Variants in ANKRD30A observed in about 807,000 individuals in gnomAD.
The protein encoded by ANKRD30A is ankyrin repeat domain-containing protein 30A.
In ANKRD30A, 170 loss-of-function variants were observed where a neutral mutation model predicts 166.3. The observed-to-expected ratio is 1.02, with a 90% confidence interval of 0.90 to 1.16. ANKRD30A has a LOEUF of 1.16. ANKRD30A is among the 50% of genes most tolerant of loss of function. The pLI, the probability that ANKRD30A is intolerant of heterozygous loss-of-function variation, is 0.00. For synonymous variants in ANKRD30A, 564 were observed against 508.9 expected (o/e 1.11, Z -1.46); for missense variants, 1,630 against 1,518.0 (o/e 1.07, Z -1.23).
intron 6 of ANKRD30A, among the ~76,000 whole-genome samples, chr10:37,138,124 G>T (rs1199876196): frequency 6.6e-6 from 1 of 152,144 alleles, no homozygotes; most frequent in Non-Finnish European, 1.5e-5. Context: ...ACAGGGTCTG[G>T]AGTGGACCTC....
chr10:37,162,298 G>A (rs909317224), intron 15 of ANKRD30A, among the ~76,000 whole-genome samples: 4 of 152,080 alleles, frequency 2.6e-5, no homozygotes, highest in African/African-American at 9.7e-5. Context: ...TTAAAGAACA[G>A]GATGAATGGA....
downstream of ANKRD30A, among the ~76,000 whole-genome samples, chr10:37,235,979 A>G (rs1843657769): frequency 6.6e-6 from 1 of 152,188 alleles, no homozygotes; most frequent in African/African-American, 2.4e-5. Context: ...TGTGTTAGCC[A>G]GGATGGTCTC....
chr10:37,160,071 A>C (rs1323728074), intron 15 of ANKRD30A, among the ~76,000 whole-genome samples: 1 of 152,138 alleles, frequency 6.6e-6, no homozygotes, highest in African/African-American at 2.4e-5. Context: ...TGCTTATCGA[A>C]TATTTTAGAT....
chr10:37,157,716 G>A (rs1199899609), intron 13 of ANKRD30A, among the ~76,000 whole-genome samples: 2 of 152,130 alleles, frequency 1.3e-5, no homozygotes, highest in Non-Finnish European at 2.9e-5. Context: ...TTTTGTATAA[G>A]TGGATCAGGA....
At chr10:37,247,667 C>T in the ANKRD30A span, among the ~76,000 whole-genome samples, 390 of 149,154 alleles carry the variant, frequency 2.6e-3, no homozygotes, top group Non-Finnish European at 3.7e-3. Context: ...GTCAGGGGAT[C>T]GAGACCATCC....
chr10:37,133,107 C>T (rs1196042529), intron 4 of ANKRD30A, among the ~76,000 whole-genome samples: 5 of 152,058 alleles, frequency 3.3e-5, no homozygotes, highest in Non-Finnish European at 5.9e-5. Flanking sequence ...TTTAGGTTAT[C>T]CCTACGTGAC....
the ANKRD30A span, among the ~76,000 whole-genome samples, chr10:37,251,258 T>A: frequency 6.6e-6 from 1 of 152,288 alleles, no homozygotes; most frequent in Non-Finnish European, 1.5e-5. Flanking sequence ...TGACAACTGA[T>A]TGGAGTACTT....
intron 6 of ANKRD30A, among the ~76,000 whole-genome samples, chr10:37,138,477 G>C (rs892460742): frequency 6.6e-6 from 1 of 151,854 alleles, no homozygotes; most frequent in Non-Finnish European, 1.5e-5. Flanking sequence ...TAAAAACCTT[G>C]AAAAAAAATT....
chr10:37,150,961 C>G (rs938095592), intron 11 of ANKRD30A, among the ~76,000 whole-genome samples: 1 of 150,792 alleles, frequency 6.6e-6, no homozygotes, highest in Non-Finnish European at 1.5e-5. Context: ...ATCTCTGAAA[C>G]GATCCAGGGT....
downstream of ANKRD30A, among the ~76,000 whole-genome samples, chr10:37,234,959 G>A (rs1418543800): frequency 6.6e-6 from 1 of 152,146 alleles, no homozygotes; most frequent in African/African-American, 2.4e-5. Flanking sequence ...TTTCCACAGT[G>A]TTGAGTTGCA....
intron 11 of ANKRD30A, among the ~76,000 whole-genome samples, chr10:37,151,305 T>C (rs1311315009): frequency 1.3e-5 from 2 of 152,084 alleles, no homozygotes; most frequent in African/African-American, 4.8e-5. Flanking sequence ...AAGTCTTGAG[T>C]GGGCCTTGAT....
At position 37,126,001 on chromosome 10, in the gene ANKRD30A, C is replaced by T. The variant is rs199779324; in HGVS notation, c.214C>T (p.Gln72Ter). 1.4e-3 allele frequency: 2,248 copies of T among 1,611,662 alleles called. 6 individuals are homozygous for T. Among genetic ancestry groups the T allele is most frequent in the Non-Finnish European group, 1.7e-3 (2,032 of 1,179,796 alleles). ...CATCAACCTTAATATACAAGACGCCCAGAAGAGGTACCAGGCCCTGCCTGA... is the reference window on the plus strand; with the variant it reads ...CATCAACCTTAATATACAAGACGCCTAGAAGAGGTACCAGGCCCTGCCTGA... The part of the protein sequence containing the change: ...KTINLNIQDA[Q>*]KRTALHWACV... The change falls in exon 1 of 36, where the codon CAG (glutamine) becomes TAG (stop). Residue 72 changes from glutamine to a stop codon, truncating the protein, a stop_gained. Coordinates refer to ENST00000361713, the MANE Select transcript of ANKRD30A (RefSeq NM_052997.3). LOFTEE classifies it high-confidence loss of function.
At chr10:37,162,201 A>G (rs543845889) in intron 15 of ANKRD30A, among the ~76,000 whole-genome samples, 20 of 152,162 alleles carry the variant, frequency 1.3e-4, no homozygotes, top group Admixed American at 6.5e-4. Context: ...AAGCTGAACA[A>G]TTCATAACAT....
chr10:37,190,843 T>C (rs576277254), intron 25 of ANKRD30A, among the ~76,000 whole-genome samples: 9 of 151,496 alleles, frequency 5.9e-5, no homozygotes, highest in East Asian at 1.9e-4. Flanking sequence ...TAGATGTATG[T>C]ATGTATGTAT....
chr10:37,241,149 A>G, the ANKRD30A span: 2 of 152,030 alleles, frequency 1.3e-5, no homozygotes, highest in Admixed American at 6.6e-5. Context: ...TAGGTAAAGA[A>G]CATAAATATT....
At chr10:37,261,689 G>C in the ANKRD30A span, among the ~76,000 whole-genome samples, 3 of 152,140 alleles carry the variant, frequency 2.0e-5, 1 homozygote, top group African/African-American at 7.2e-5. Context: ...CAGACTATAA[G>C]ATGCAAAACT....
At chr10:37,152,867 A>G (rs1237612875) in intron 12 of ANKRD30A, among the ~76,000 whole-genome samples, 1 of 152,086 alleles carries the variant, frequency 6.6e-6, no homozygotes, top group Non-Finnish European at 1.5e-5. Flanking sequence ...GTAACAGCAA[A>G]AGGTGGAAGT....
At chr10:37,132,119 G>C (rs767587414) in intron 3 of ANKRD30A, 121 bp from the exon 4 acceptor site, 4 of 581,684 alleles carry the variant, frequency 6.9e-6, no homozygotes, top group Non-Finnish European at 1.1e-5. Context: ...AGAAAGAAGG[G>C]ACTGCTATTG....
At chr10:37,231,187 T>G (rs1346361673) in intron 34 of ANKRD30A, among the ~76,000 whole-genome samples, 1 of 152,042 alleles carries the variant, frequency 6.6e-6, no homozygotes, top group Non-Finnish European at 1.5e-5. Flanking sequence ...ACATGATGTT[T>G]TGATATATTT....
Sources: gnomAD v4.1 joint callset for allele counts (sites outside exome capture counted in the v4.1 genomes callset) on GRCh38, gnomAD v4.1.1 for gene constraint, MANE v1.5 for transcripts, NCBI Gene and HGNC (gene_info 2026-07-23, HGNC 2026-07-21) for gene names.